Variants in DNAJC8 observed in about 807,000 individuals in gnomAD.
DNAJC8 encodes DnaJ heat shock protein family (Hsp40) member C8, also known as dnaJ homolog subfamily C member 8.
A neutral mutation model predicts 43.2 loss-of-function variants in DNAJC8; 24 were observed. That is an observed-to-expected ratio of 0.56 (90% CI 0.40 to 0.78). The LOEUF is 0.78. Among genes scored for constraint, DNAJC8 ranks in the 30% least tolerant of loss-of-function variants. The pLI is 0.00. For missense variants in DNAJC8, 207 were observed against 299.4 expected (o/e 0.69, Z 2.28); for synonymous variants, 83 against 98.0 (o/e 0.85, Z 0.90).
rs375410568 is a variant in DNAJC8, at chr1:28,205,249, G to A, written c.563+9C>T. 1.1e-4 allele frequency: 168 copies of A among 1,597,860 alleles called. No individual in the cohort carries two copies. The highest frequency in any genetic ancestry group is 1.4e-4 in the Non-Finnish European group (162 of 1,167,962). ...TAAATATGGTTTAAATGAATATACT[G>A]ATATGTACCTTTCATGCATCTCTTT... is the stretch of plus-strand genomic sequence containing the variant. On this transcript the variant is annotated intron_variant, in intron 7 of 8. Transcript: ENST00000263697.
At chr1:28,222,265 C>G (rs1160411490) in intron 2 of DNAJC8, among the ~76,000 whole-genome samples, 1 of 151,958 alleles carries the variant, frequency 6.6e-6, no homozygotes, top group East Asian at 1.9e-4. Flanking sequence ...GCGGGTGGAT[C>G]ACCTGAGGTC....
chr1:28,202,960 G>T (rs1375742967), intron 8 of DNAJC8, among the ~76,000 whole-genome samples: 1 of 152,130 alleles, frequency 6.6e-6, no homozygotes, highest in African/African-American at 2.4e-5. Flanking sequence ...TAACACTGAG[G>T]CTCAAAAAGG....
chr1:28,215,277 A>G (rs554145557), intron 2 of DNAJC8, among the ~76,000 whole-genome samples: 1 of 152,314 alleles, frequency 6.6e-6, no homozygotes, highest in South Asian at 2.1e-4. Flanking sequence ...TTTACATGAG[A>G]AAATTTTGCA....
intron 7 of DNAJC8, among the ~76,000 whole-genome samples, chr1:28,204,387 C>G (rs1646755571): frequency 6.6e-6 from 1 of 152,024 alleles, no homozygotes; most frequent in Non-Finnish European, 1.5e-5. Context: ...TCGAGACCAG[C>G]CTGACCAACA....
intron 5 of DNAJC8, among the ~76,000 whole-genome samples, chr1:28,209,157 G>C (rs997247136): frequency 1.3e-5 from 2 of 152,160 alleles, no homozygotes; most frequent in African/African-American, 4.8e-5. Flanking sequence ...TTTCTACCAG[G>C]ATAGGGCCTA....
intron 2 of DNAJC8, among the ~76,000 whole-genome samples, chr1:28,215,863 ATT>A (rs113486592): frequency 7.2e-6 from 1 of 139,626 alleles, no homozygotes; most frequent in Non-Finnish European, 1.6e-5. Context: ...TAAACAAATA[ATT>A]TTTTTTTTTT....
At chr1:28,215,300 T>C (rs901463322) in intron 2 of DNAJC8, among the ~76,000 whole-genome samples, 3 of 152,182 alleles carry the variant, frequency 2.0e-5, no homozygotes, top group African/African-American at 7.2e-5. Context: ...TCTCCTTCAT[T>C]CATTAAAAGA....
chr1:28,217,917 T>A (rs1646870611), intron 2 of DNAJC8, among the ~76,000 whole-genome samples: 1 of 151,864 alleles, frequency 6.6e-6, no homozygotes, highest in African/African-American at 2.4e-5. Context: ...GTATAGTGGT[T>A]CTTTAGTTAA....
At chr1:28,224,635 C>T (rs1001515237) in intron 2 of DNAJC8, among the ~76,000 whole-genome samples, 13 of 152,000 alleles carry the variant, frequency 8.6e-5, no homozygotes, top group African/African-American at 3.1e-4. Context: ...GAAATCCCAG[C>T]ACTTTTTGGG....
chr1:28,227,351 T>G lies in DNAJC8; in HGVS notation c.180+1571A>C, dbSNP rs1405125904. ...TTGAATCTGGGAGGCGGAGGTGCAGTGAGCCAAGATTGCACCATTACACTC... is the reference window on the plus strand; with the variant it reads ...TTGAATCTGGGAGGCGGAGGTGCAGGGAGCCAAGATTGCACCATTACACTC... On this transcript the variant is annotated intron_variant, in intron 2 of 8. Coordinates refer to ENST00000263697, the MANE Select transcript of DNAJC8 (RefSeq NM_014280.3). Among the ~76,000 whole-genome samples the G allele has an allele frequency of 2.1e-5, 3 of 142,594 alleles. No homozygotes were observed. In the Admixed American group the frequency reaches 2.2e-4, roughly 11 times the overall value. The allele number at this position is 142,594 out of a possible 152,430, so 93.5% of individuals were successfully genotyped here.
At chr1:28,229,107 C>T in intron 1 of DNAJC8, 84 bp from the exon 2 acceptor site, 1 of 1,124,760 alleles carries the variant, frequency 8.9e-7, no homozygotes, top group Middle Eastern at 2.0e-4. Flanking sequence ...CTGATATGTT[C>T]AACAAACATT....
Position 28,201,385 on chromosome 1 carries a change from A to C in DNAJC8, c.640-15T>G. 5 of 1,613,794 alleles carry C rather than the reference A, an allele frequency of 3.1e-6. No individual in the cohort carries two copies. Among genetic ancestry groups the C allele is most frequent in the Non-Finnish European group, 4.2e-6 (5 of 1,180,008 alleles). ...TCTCGACTTTCCTAAGTACAAAAGA[A>C]GTTTGAGGTGAGGAGACCAGTCAAT... On this transcript the variant is annotated splice_polypyrimidine_tract_variant and intron_variant, in intron 8 of 8. Coordinates refer to ENST00000263697, the MANE Select transcript of DNAJC8 (RefSeq NM_014280.3).
At chr1:28,208,321 C>T (rs762668737) in intron 6 of DNAJC8, 21 bp downstream of exon 6, 4 of 1,592,532 alleles carry the variant, frequency 2.5e-6, no homozygotes, top group Non-Finnish European at 1.7e-6. Flanking sequence ...GATACAGTGG[C>T]TTTTCCTATA....
intron 8 of DNAJC8, 97 bp downstream of exon 8, chr1:28,203,650 C>A (rs1433342349): frequency 1.7e-6 from 2 of 1,198,860 alleles, no homozygotes; most frequent in East Asian, 4.7e-5. Flanking sequence ...CCACATATCC[C>A]ACTCCCCTCT....
intron 2 of DNAJC8, among the ~76,000 whole-genome samples, chr1:28,223,706 G>A (rs1008217318): frequency 8.9e-5 from 11 of 123,098 alleles, no homozygotes; most frequent in African/African-American, 3.8e-4. Context: ...GTGAGACCTT[G>A]TCTTTACAAA....
chr1:28,214,935 T>C lies in DNAJC8; in HGVS notation c.237+5A>G. ...AAAAGTTCAAACAGGGAAATAGTACTGTACCTGCCGAAACCTCTTTTTTAT... is the reference window on the plus strand; with the variant it reads ...AAAAGTTCAAACAGGGAAATAGTACCGTACCTGCCGAAACCTCTTTTTTAT... On this transcript the variant is annotated splice_donor_5th_base_variant and intron_variant, in intron 3 of 8. Transcript: ENST00000263697. 6.2e-7 allele frequency: 1 copy of C among 1,606,506 alleles called. No homozygotes were observed. Among genetic ancestry groups the C allele is most frequent in the Non-Finnish European group, 8.5e-7 (1 of 1,175,816 alleles).
chr1:28,213,378 T>C (rs939936911), intron 3 of DNAJC8, among the ~76,000 whole-genome samples: 4 of 151,640 alleles, frequency 2.6e-5, no homozygotes, highest in Non-Finnish European at 5.9e-5. Context: ...TAAATATAAG[T>C]ATAGAGTAGA....
intron 2 of DNAJC8, among the ~76,000 whole-genome samples, chr1:28,217,048 T>C (rs951376947): frequency 6.6e-6 from 1 of 152,050 alleles, no homozygotes; most frequent in South Asian, 2.1e-4. Context: ...CTTCAGGTGA[T>C]CCGCCTGCCT....
At position 28,227,104 on chromosome 1, in the gene DNAJC8, C is replaced by CTTTTT. The variant is rs375175168; in HGVS notation, c.180+1813_180+1817dup. Among the ~76,000 whole-genome samples the CTTTTT allele has an allele frequency of 4.0e-3, 376 of 95,084 alleles. 3 individuals are homozygous for CTTTTT. Among genetic ancestry groups the CTTTTT allele is most frequent in the Non-Finnish European group, 5.8e-3 (283 of 48,932 alleles). The allele number at this position is 95,084 out of a possible 152,430, so 62.4% of individuals were successfully genotyped here. On this transcript the variant is annotated intron_variant, in intron 2 of 8. Coordinates refer to ENST00000263697, the MANE Select transcript of DNAJC8 (RefSeq NM_014280.3). ...AAAAAAAAAGAATTTCTCTCTCTCT[C>CTTTTT]TTTTTTTTTTTTTTTTTTTTTTGGA...
Sources: gnomAD v4.1 joint callset for allele counts (sites outside exome capture counted in the v4.1 genomes callset) on GRCh38, gnomAD v4.1.1 for gene constraint, MANE v1.5 for transcripts, NCBI Gene and HGNC (gene_info 2026-07-23, HGNC 2026-07-21) for gene names.